MAP3K4: variants seen among roughly 807,000 people sequenced by gnomAD.
MAP3K4 encodes mitogen-activated protein kinase kinase kinase 4, also known as MAP three kinase 1.
Under a neutral mutation model 185.6 loss-of-function variants are expected in MAP3K4, and 67 were observed. The observed-to-expected ratio is 0.36, with a 90% CI of 0.30 to 0.44. MAP3K4 has a LOEUF of 0.44. Among genes scored for constraint, MAP3K4 ranks in the 20% least tolerant of loss-of-function variants. The probability of loss-of-function intolerance (pLI) is 1.00; values close to 1 mark genes in which losing one functional copy is unlikely to be tolerated. For missense variants in MAP3K4, 1,551 were observed against 1,995.1 expected, an observed-to-expected ratio of 0.78 and a Z score of 4.24; for synonymous variants, 702 against 710.4, an observed-to-expected ratio of 0.99 and a Z score of 0.19.
In MAP3K4 at chr6:161,090,489, G is replaced by T. The variant is rs569744514; in HGVS notation, c.2974-890G>T. Among the ~76,000 whole-genome samples the T allele has an allele frequency of 3.2e-4, 47 of 148,970 alleles. 1 individual carries two copies. The highest frequency in any genetic ancestry group is 3.5e-3 in the Middle Eastern group (1 of 286). ...GCTTCTCAGCCTCTTGGATGTGGAC[G>T]TTTGGGCCCGTAACTCTTGGTCGTG... On this transcript the variant is annotated intron_variant, in intron 11 of 26. Coordinates refer to ENST00000392142, the MANE Select transcript of MAP3K4 (RefSeq NM_005922.4).
rs2115070018 is a variant in MAP3K4, at chr6:161,008,824, G to A, written c.152+16741G>A. Among the ~76,000 whole-genome samples the A allele has an allele frequency of 6.6e-6, 1 of 152,194 alleles. No individual in the cohort carries two copies. The highest frequency in any genetic ancestry group is 1.5e-5 in the Non-Finnish European group (1 of 68,006). The stretch of plus-strand genomic sequence containing the variant: ...ACTACTTTCACTCAGCATGGTGCTT[G>A]TGAGGTTCATCTATGTTGTTTTGGT... On this transcript the variant is annotated intron_variant, in intron 1 of 26. Transcript: ENST00000392142. The surrounding 1 kb of genome is among the most constrained non-coding windows in gnomAD (Gnocchi z 4.1).
At chr6:161,072,750 C>G (rs753462591) in intron 4 of MAP3K4, among the ~76,000 whole-genome samples, 2 of 151,950 alleles carry the variant, frequency 1.3e-5, no homozygotes, top group Non-Finnish European at 2.9e-5. Context: ...TATTACAGTC[C>G]CTGTTTATTA....
Position 161,108,484 on chromosome 6 carries a change from G to T in MAP3K4, c.4120-259G>T, listed in dbSNP as rs1033689383. ...AGCGTCTTGCACTTGCCGTGGAGCCGCGTCCTCCTCCACATGGCGCTCCTC... is the reference window on the plus strand; with the variant it reads ...AGCGTCTTGCACTTGCCGTGGAGCCTCGTCCTCCTCCACATGGCGCTCCTC... On this transcript the variant is annotated intron_variant, in intron 21 of 26. Transcript: ENST00000392142. This position sits in a 1 kb window ranked among gnomAD's most constrained non-coding sequence, Gnocchi z 5.7. Among the ~76,000 whole-genome samples the T allele has an allele frequency of 1.2e-4, 18 of 152,062 alleles. No individual in the cohort carries two copies. The highest frequency in any genetic ancestry group is 4.3e-4 in the African/African-American group (18 of 41,384).
At chr6:161,028,362 C>T (rs956678046) in intron 1 of MAP3K4, among the ~76,000 whole-genome samples, 15 of 151,556 alleles carry the variant, frequency 9.9e-5, no homozygotes, top group Non-Finnish European at 1.6e-4. Flanking sequence ...AGTGTGGGGG[C>T]GTAGGGATTT....
At chr6:161,027,553 GA>G (rs917493269) in intron 1 of MAP3K4, among the ~76,000 whole-genome samples, 1 of 152,168 alleles carries the variant, frequency 6.6e-6, no homozygotes, top group Non-Finnish European at 1.5e-5. Flanking sequence ...CTATTTTAGA[GA>G]AATAGAGTGG....
At position 161,091,326 on chromosome 6, in the gene MAP3K4, A is replaced by G. The variant is rs550492886; in HGVS notation, c.2974-53A>G. ...ACGAAATCTTCCTTTAAAATGTGGT[A>G]AGTATTGTATGATTTGCTTCATTTT... is the stretch of plus-strand genomic sequence containing the variant. On this transcript the variant is annotated intron_variant, in intron 11 of 26. Coordinates refer to ENST00000392142, the MANE Select transcript of MAP3K4 (RefSeq NM_005922.4). The surrounding 1 kb of genome is among the most constrained non-coding windows in gnomAD (Gnocchi z 5.5). The G allele has an allele frequency of 6.9e-6, 10 of 1,444,836 alleles. No individual in the cohort carries two copies. The highest frequency in any genetic ancestry group is 9.4e-6 in the Non-Finnish European group (10 of 1,058,746). 89.5% of individuals were successfully genotyped at this position (1,444,836 alleles called of 1,614,324 possible).
chr6:161,097,295 A>G lies in MAP3K4; in HGVS notation c.3524+119A>G. 6 of 772,296 alleles carry G rather than the reference A, an allele frequency of 7.8e-6. No individual in the cohort carries two copies. The highest frequency in any genetic ancestry group is 1.3e-5 in the Non-Finnish European group (6 of 477,304). The allele number at this position is 772,296 out of a possible 1,614,324, so 47.8% of individuals were successfully genotyped here. A position where few individuals can be genotyped will look rare whatever the true frequency, so the allele number is the denominator to read the frequency against. On this transcript the variant is annotated intron_variant, in intron 16 of 26. Transcript: ENST00000392142. This position sits in a 1 kb window ranked among gnomAD's most constrained non-coding sequence, Gnocchi z 4.9. ...TAAATACCTTTTCTGCATTGTTCGT[A>G]CGTAAAAGCTCTTACTTGCATTATC...
At position 161,106,772 on chromosome 6, in the gene MAP3K4, T is replaced by A; in HGVS notation, c.4048+67T>A. 3.0e-6 allele frequency: 4 copies of A among 1,342,256 alleles called. No homozygotes were observed. The highest frequency in any genetic ancestry group is 4.1e-6 in the Non-Finnish European group (4 of 972,654). The allele number at this position is 1,342,256 out of a possible 1,614,324, so 83.1% of individuals were successfully genotyped here. On this transcript the variant is annotated intron_variant, in intron 20 of 26. Transcript: ENST00000392142. The surrounding 1 kb of genome is among the most constrained non-coding windows in gnomAD (Gnocchi z 4.9). ...AGAAGTAGCAATAGTTATACTTCTT[T>A]AGGTTGAATCCTATAGAGTTGGCCC... is the stretch of plus-strand genomic sequence containing the variant.
Position 161,103,083 on chromosome 6 carries a change from A to G in MAP3K4, c.3856+304A>G, listed in dbSNP as rs1355255506. On this transcript the variant is annotated intron_variant, in intron 19 of 26. Coordinates refer to ENST00000392142, the MANE Select transcript of MAP3K4 (RefSeq NM_005922.4). The surrounding 1 kb of genome is among the most constrained non-coding windows in gnomAD (Gnocchi z 4.6). ...GGTAGGAGTATAATAAACATTTGTG[A>G]AATAACCATTCATAAATTAGACATT... Among the ~76,000 whole-genome samples the G allele has an allele frequency of 6.6e-6, 1 of 152,228 alleles. No homozygotes were observed. The highest frequency in any genetic ancestry group is 1.5e-5 in the Non-Finnish European group (1 of 68,036).
chr6:161,030,549 G>A (rs558801212), intron 1 of MAP3K4, among the ~76,000 whole-genome samples: 6 of 152,100 alleles, frequency 3.9e-5, no homozygotes, highest in Non-Finnish European at 7.4e-5. Context: ...GAGTAGCTGG[G>A]ACCACAGGTG....
Position 161,022,898 on chromosome 6 carries a change from G to T in MAP3K4, c.153-11361G>T, listed in dbSNP as rs1049136212. ...ACTTACCAAGCATGGTAAGTACTCC[G>T]TGCCTAACGGTAGCAATTATACTGT... On this transcript the variant is annotated intron_variant, in intron 1 of 26. Transcript: ENST00000392142. The surrounding 1 kb of genome is among the most constrained non-coding windows in gnomAD (Gnocchi z 4.2). Among the ~76,000 whole-genome samples the T allele has an allele frequency of 6.6e-6, 1 of 152,108 alleles. No individual in the cohort carries two copies. The highest frequency in any genetic ancestry group is 6.5e-5 in the Admixed American group (1 of 15,280).
In MAP3K4 at chr6:161,091,421, G is replaced by A; in HGVS notation, c.3016G>A (p.Asp1006Asn). 1 of 1,614,026 alleles carries A rather than the reference G, an allele frequency of 6.2e-7. No individual in the cohort carries two copies. Among genetic ancestry groups the A allele is most frequent in the Non-Finnish European group, 8.5e-7 (1 of 1,179,984 alleles). The change falls in exon 12 of 27, where the codon GAC becomes AAC. Residue 1006 changes from aspartate (D) to asparagine (N), a missense_variant. Transcript: ENST00000392142. This position sits in a 1 kb window ranked among gnomAD's most constrained non-coding sequence, Gnocchi z 5.5. ...ELCNRISNAI[D>N]RVDHMFTSEF... ...ATGCAACAGGATAAGCAATGCCATT[G>A]ACCGCGTGGACCACATGTTCACATC...
Position 160,991,898 on chromosome 6 carries a change from T to G in MAP3K4, c.-34T>G. ...TGCCCCGCGCCAGGCTGCAGCTTAC[T>G]GCCCGCCGCGGCCATGCGGGGCTCC... On this transcript the variant is annotated 5_prime_UTR_variant, in exon 1 of 27. Transcript: ENST00000392142. This position sits in a 1 kb window ranked among gnomAD's most constrained non-coding sequence, Gnocchi z 5.7. 1 of 1,489,518 alleles carries G rather than the reference T, an allele frequency of 6.7e-7. No individual in the cohort carries two copies. The highest frequency in any genetic ancestry group is 1.5e-5 in the African/African-American group (1 of 68,508). 92.3% of individuals were successfully genotyped at this position (1,489,518 alleles called of 1,614,324 possible).
chr6:161,115,089 T>C lies in MAP3K4; in HGVS notation c.4627-34T>C. ...TTGCGTTGTTTGTGGCTGTGTAATA[T>C]TAAAATCTGATTTTTTAAAAACATC... On this transcript the variant is annotated intron_variant, in intron 25 of 26. Coordinates refer to ENST00000392142, the MANE Select transcript of MAP3K4 (RefSeq NM_005922.4). The surrounding 1 kb of genome is among the most constrained non-coding windows in gnomAD (Gnocchi z 6.0). 6.3e-7 allele frequency: 1 copy of C among 1,575,940 alleles called. No homozygotes were observed. The highest frequency in any genetic ancestry group is 8.7e-7 in the Non-Finnish European group (1 of 1,152,122).
rs796484736 is a variant in MAP3K4 at position 161,007,092 on chromosome 6, G to A, written c.152+15009G>A. Among the ~76,000 whole-genome samples the A allele has an allele frequency of 5.3e-5, 8 of 152,266 alleles. No individual in the cohort carries two copies. The highest frequency in any genetic ancestry group is 1.4e-4 in the African/African-American group (6 of 41,560). On this transcript the variant is annotated intron_variant, in intron 1 of 26. Transcript: ENST00000392142. This position sits in a 1 kb window ranked among gnomAD's most constrained non-coding sequence, Gnocchi z 4.5. Reference sequence around the variant, plus strand: ...GCTGCAGATGAGCAAGGTCCAAAGCGCAGGACCAGGAATTGTACTCATTGT... The same window carrying A: ...GCTGCAGATGAGCAAGGTCCAAAGCACAGGACCAGGAATTGTACTCATTGT...
intron 5 of MAP3K4, among the ~76,000 whole-genome samples, chr6:161,079,422 A>G (rs1785337300): frequency 6.6e-6 from 1 of 151,580 alleles, no homozygotes; most frequent in African/African-American, 2.4e-5. Context: ...GGCTAAAAAT[A>G]CGAAATTAGC....
In MAP3K4 at chr6:161,049,436, C is replaced by A; in HGVS notation, c.1164C>A (p.Asp388Glu). Residue 388 changes from aspartate to glutamate, a missense_variant, in exon 3 of 27, where the codon GAC becomes GAA. By Grantham distance (45) the Asp-to-Glu change is conservative (BLOSUM62 2). Transcript: ENST00000392142. The surrounding 1 kb of genome is among the most constrained non-coding windows in gnomAD (Gnocchi z 8.4). ...AATATGCTGCAAAAGACTTCCAGGA[C>A]AGGGTGCAGGCACTCTGTTTGTGGT... ...YEKYAAKDFQ[D>E]RVQALCLWLN... The A allele has an allele frequency of 3.1e-6, 5 of 1,614,116 alleles. No homozygotes were observed. Among genetic ancestry groups the A allele is most frequent in the Non-Finnish European group, 4.2e-6 (5 of 1,179,998 alleles).
At chr6:161,062,729 T>C in intron 3 of MAP3K4, among the ~76,000 whole-genome samples, 1 of 152,236 alleles carries the variant, frequency 6.6e-6, no homozygotes, top group Non-Finnish European at 1.5e-5. Context: ...TGTGATTTTT[T>C]GTTTCCATTT....
chr6:161,109,980 C>A lies in MAP3K4; in HGVS notation c.4396+66C>A. ...TGGTACCCAGCCCGTGGGAGGTGCTCTGAAGACGCTCATCCCATTCCCACA... is the reference window on the plus strand; with the variant it reads ...TGGTACCCAGCCCGTGGGAGGTGCTATGAAGACGCTCATCCCATTCCCACA... On this transcript the variant is annotated intron_variant, in intron 23 of 26. Coordinates refer to ENST00000392142, the MANE Select transcript of MAP3K4 (RefSeq NM_005922.4). The surrounding 1 kb of genome is among the most constrained non-coding windows in gnomAD (Gnocchi z 5.7). The A allele has an allele frequency of 6.5e-7, 1 of 1,531,802 alleles. No individual in the cohort carries two copies. 94.9% of individuals were successfully genotyped at this position (1,531,802 alleles called of 1,614,324 possible). A position where few individuals can be genotyped will look rare whatever the true frequency, so the allele number is the denominator to read the frequency against.
Sources: gnomAD v4.1 joint callset for allele counts (sites outside exome capture counted in the v4.1 genomes callset) on GRCh38, gnomAD v4.1.1 for gene constraint, Gnocchi (gnomAD v3.1) non-coding constraint, MANE v1.5 for transcripts, NCBI Gene and HGNC (gene_info 2026-07-23, HGNC 2026-07-21) for gene names.